Variants in CCDC102B observed in about 807,000 individuals in gnomAD.
The protein encoded by CCDC102B is coiled-coil domain containing 102B.
In CCDC102B, 75 loss-of-function variants were observed where a neutral mutation model predicts 57.4. That is an observed-to-expected ratio of 1.31 (90% CI 1.08 to 1.58). The LOEUF (loss-of-function observed/expected upper bound fraction) is 1.58. Ranked by LOEUF, CCDC102B falls within the 40% of genes most tolerant of loss-of-function variation. The pLI is 0.00. For synonymous variants in CCDC102B, 206 were observed against 201.9 expected (o/e 1.02, Z -0.17); for missense variants, 636 against 582.6 (o/e 1.09, Z -0.94).
chr18:69,054,750 G>T lies in CCDC102B; in HGVS notation c.*613G>T, dbSNP rs778664127. 1.0e-6 allele frequency: 1 copy of T among 985,248 alleles called. No individual in the cohort carries two copies. Among genetic ancestry groups the T allele is most frequent in the East Asian group, 1.1e-4 (1 of 8,792 alleles). 61.0% of individuals were successfully genotyped at this position (985,248 alleles called of 1,614,324 possible). ...TAACCAGTGATTGAATCTAAGACAG[G>T]CTGTAAGCATCGCTGAGAAACTAAA... is the stretch of plus-strand genomic sequence containing the variant. On this transcript the variant is annotated 3_prime_UTR_variant, in exon 8 of 8. Transcript: ENST00000360242.
At chr18:68,795,007 A>G (rs1026797677), upstream of CCDC102B, among the ~76,000 whole-genome samples, 14 of 141,102 alleles carry the variant, frequency 9.9e-5, no homozygotes, top group East Asian at 2.8e-3. Flanking sequence ...ACTGGTCATT[A>G]ATTTGTAAAC....
intron 6 of CCDC102B, among the ~76,000 whole-genome samples, chr18:68,911,666 G>A (rs1439699683): frequency 6.3e-5 from 9 of 142,592 alleles, no homozygotes; most frequent in East Asian, 6.2e-4. Context: ...GCAGGAGAAT[G>A]GCGTGAACCC....
At chr18:68,886,409 A>G (rs1475346423) in intron 5 of CCDC102B, among the ~76,000 whole-genome samples, 1 of 148,748 alleles carries the variant, frequency 6.7e-6, no homozygotes, top group Non-Finnish European at 1.5e-5. Context: ...CCACCTATTT[A>G]TTTGGAAGAT....
chr18:68,939,804 T>G (rs189401453), intron 6 of CCDC102B, among the ~76,000 whole-genome samples: 49 of 151,914 alleles, frequency 3.2e-4, no homozygotes, highest in Admixed American at 7.9e-4. Flanking sequence ...CACAATCCAC[T>G]CAACATGCAG....
chr18:68,735,084 C>T (rs963660190), intron 2 of CCDC102B, among the ~76,000 whole-genome samples: 2 of 152,304 alleles, frequency 1.3e-5, no homozygotes, highest in South Asian at 2.1e-4. Flanking sequence ...TGGAGTCTTG[C>T]TCTGTCACCT....
intron 1 of CCDC102B, among the ~76,000 whole-genome samples, chr18:68,817,937 C>G (rs1031180099): frequency 6.6e-6 from 1 of 152,036 alleles, no homozygotes; most frequent in Non-Finnish European, 1.5e-5. Flanking sequence ...CATGAATCAA[C>G]TAGAATTTTG....
chr18:69,036,203 T>A (rs765263059), intron 7 of CCDC102B, among the ~76,000 whole-genome samples: 92 of 152,264 alleles, frequency 6.0e-4, no homozygotes, highest in South Asian at 1.2e-3. Context: ...TATTGTGTTA[T>A]ATTTTATTTT....
intron 7 of CCDC102B, among the ~76,000 whole-genome samples, chr18:69,030,007 A>G (rs17080088): frequency 0.033 from 4,953 of 152,280 alleles, 283 homozygotes; most frequent in African/African-American, 0.11. Context: ...TTGCAATTAA[A>G]CCAAAAGTGT....
At chr18:68,790,168 G>T (rs1486003081) in intron 2 of CCDC102B, among the ~76,000 whole-genome samples, 2 of 150,986 alleles carry the variant, frequency 1.3e-5, no homozygotes, top group African/African-American at 4.9e-5. Context: ...GGACCCACTT[G>T]AGGAGGCAGT....
intron 7 of CCDC102B, among the ~76,000 whole-genome samples, chr18:69,045,150 A>G (rs143429957): frequency 9.5e-4 from 144 of 152,174 alleles, no homozygotes; most frequent in African/African-American, 3.2e-3. Context: ...TTAGGATTTA[A>G]TGCTTCAATA....
intron 2 of CCDC102B, among the ~76,000 whole-genome samples, chr18:68,791,055 A>G (rs2035441187): frequency 6.6e-6 from 1 of 152,222 alleles, no homozygotes; most frequent in Admixed American, 6.5e-5. Context: ...ATGTAGAGAA[A>G]ATTAATCCGT....
intron 6 of CCDC102B, among the ~76,000 whole-genome samples, chr18:69,003,331 T>C (rs989411081): frequency 3.3e-5 from 5 of 152,190 alleles, no homozygotes; most frequent in African/African-American, 9.6e-5. Context: ...TGCAATGTTT[T>C]TCTCTTTATC....
At chr18:68,896,208 A>G (rs1024398432) in intron 5 of CCDC102B, among the ~76,000 whole-genome samples, 15 of 152,054 alleles carry the variant, frequency 9.9e-5, no homozygotes, top group Non-Finnish European at 2.1e-4. Flanking sequence ...ATTATAGCAG[A>G]CGAATATAAT....
At chr18:68,882,970 A>G (rs1463050896) in intron 5 of CCDC102B, among the ~76,000 whole-genome samples, 1 of 152,190 alleles carries the variant, frequency 6.6e-6, no homozygotes. Flanking sequence ...GGAACAACAC[A>G]CACTGGGTAG....
intron 4 of CCDC102B, among the ~76,000 whole-genome samples, chr18:68,870,983 A>G (rs1428312894): frequency 6.6e-6 from 1 of 152,166 alleles, no homozygotes; most frequent in Non-Finnish European, 1.5e-5. Context: ...CATCGTCTTC[A>G]GTTTTTTCCA....
chr18:68,804,361 G>A (rs2035958483), intron 1 of CCDC102B, among the ~76,000 whole-genome samples: 1 of 152,126 alleles, frequency 6.6e-6, no homozygotes. Context: ...GATGTTAAGT[G>A]GGCAGCTGGA....
intron 6 of CCDC102B, among the ~76,000 whole-genome samples, chr18:69,002,160 C>G (rs1055158336): frequency 6.6e-6 from 1 of 152,174 alleles, no homozygotes; most frequent in African/African-American, 2.4e-5. Context: ...TCAGCTTGAA[C>G]AAGCTGGGTT....
intron 6 of CCDC102B, among the ~76,000 whole-genome samples, chr18:68,924,598 A>C (rs924331334): frequency 6.6e-6 from 1 of 152,108 alleles, no homozygotes; most frequent in Non-Finnish European, 1.5e-5. Flanking sequence ...ATTTGGTTGG[A>C]TGTATCAACA....
At chr18:68,846,682 A>G (rs577412554) in intron 4 of CCDC102B, among the ~76,000 whole-genome samples, 3 of 151,940 alleles carry the variant, frequency 2.0e-5, no homozygotes, top group African/African-American at 7.2e-5. Flanking sequence ...CTTATTCTAT[A>G]TATTTAAGAT....
Sources: allele counts gnomAD v4.1 joint callset (sites outside exome capture counted in the v4.1 genomes callset), GRCh38; gene constraint gnomAD v4.1.1; transcripts MANE v1.5; gene names NCBI Gene and HGNC (gene_info 2026-07-23, HGNC 2026-07-21).